Variants in TRIP12 observed in about 807,000 individuals in gnomAD.
The protein encoded by TRIP12 is thyroid hormone receptor interactor 12, also known as E3 ubiquitin-protein ligase TRIP12.
A neutral mutation model predicts 244.2 loss-of-function variants in TRIP12; 25 were observed. The observed-to-expected ratio is 0.10, with a 90% CI of 0.07 to 0.14. TRIP12 has a LOEUF of 0.14. Ranked by LOEUF, TRIP12 falls within the 10% of genes least tolerant of loss-of-function variation. TRIP12 has a pLI of 1.00. For synonymous variants in TRIP12, 905 were observed against 873.1 expected, an observed-to-expected ratio of 1.04 and a Z score of -0.64; for missense variants, 1,677 against 2,486.4, an observed-to-expected ratio of 0.67 and a Z score of 6.92.
intron 8 of TRIP12, among the ~76,000 whole-genome samples, chr2:229,823,818 C>T (rs546073323): frequency 1.3e-5 from 2 of 152,154 alleles, no homozygotes; most frequent in East Asian, 3.9e-4. Flanking sequence ...GAGATGGCAT[C>T]TCATTAATTC....
intron 1 of TRIP12, among the ~76,000 whole-genome samples, chr2:229,909,371 C>G (rs1285909959): frequency 6.7e-6 from 1 of 149,784 alleles, no homozygotes; most frequent in African/African-American, 2.5e-5. Context: ...CATAGGGACA[C>G]CCTGGCTCCA....
At chr2:229,783,811 A>G (rs1335062528) in intron 34 of TRIP12, among the ~76,000 whole-genome samples, 1 of 88,178 alleles carries the variant, frequency 1.1e-5, no homozygotes, top group African/African-American at 4.9e-5. Context: ...ACCATCTTTT[A>G]AAAAAAAAAA....
intron 9 of TRIP12, among the ~76,000 whole-genome samples, chr2:229,817,337 GA>G (rs756274503): frequency 6.6e-6 from 1 of 152,106 alleles, no homozygotes; most frequent in Non-Finnish European, 1.5e-5. Context: ...GGTAGTGTTT[GA>G]TTTAGACTCA....
intron 4 of TRIP12, among the ~76,000 whole-genome samples, chr2:229,844,849 G>GA (rs2057250472): frequency 6.6e-6 from 1 of 152,156 alleles, no homozygotes; most frequent in Non-Finnish European, 1.5e-5. Context: ...TTAATGTACA[G>GA]AAACCCTTTT....
At chr2:229,781,876 T>G (rs1470404790) in intron 34 of TRIP12, among the ~76,000 whole-genome samples, 1 of 152,188 alleles carries the variant, frequency 6.6e-6, no homozygotes, top group South Asian at 2.1e-4. Flanking sequence ...AAGCAGCTCC[T>G]GGAATCTTTT....
chr2:229,861,901 AC>A (rs1324329478), intron 2 of TRIP12, among the ~76,000 whole-genome samples: 1 of 152,240 alleles, frequency 6.6e-6, no homozygotes, highest in East Asian at 1.9e-4. Flanking sequence ...TAACAAAAAA[AC>A]AAAACTCTAG....
At chr2:229,917,380 CAAAAAAAAAAAAAAAAAAAAAAAAAAAAA>C (rs60397605) in intron 1 of TRIP12, among the ~76,000 whole-genome samples, 1 of 29,258 alleles carries the variant, frequency 3.4e-5, no homozygotes, top group East Asian at 1.7e-3. Context: ...GACTCTGTCT[CAAAAAAAAAAAAAAAAAAAAAAAAAAAAA>C]AAAAAAAAAA....
At chr2:229,894,713 T>G (rs752293491) in intron 1 of TRIP12, among the ~76,000 whole-genome samples, 1 of 152,200 alleles carries the variant, frequency 6.6e-6, no homozygotes, top group Non-Finnish European at 1.5e-5. Flanking sequence ...CCAAGAAACT[T>G]TAAGCCAAGG....
At chr2:229,799,179 A>C (rs1006014586) in intron 22 of TRIP12, 104 bp downstream of exon 22, 3 of 1,508,038 alleles carry the variant, frequency 2.0e-6, no homozygotes, top group Non-Finnish European at 1.8e-6. Context: ...TCCTCAGGAA[A>C]CTTAGGCATA....
intron 1 of TRIP12, among the ~76,000 whole-genome samples, chr2:229,914,410 T>C (rs957897121): frequency 2.0e-5 from 3 of 152,110 alleles, no homozygotes; most frequent in African/African-American, 7.2e-5. Context: ...TTTGCATATA[T>C]TTCCTATTTA....
chr2:229,767,617 C>T lies in TRIP12; in HGVS notation c.6141G>A (p.Glu2047=), dbSNP rs753443022. The change falls in exon 42 of 42, where the codon GAG becomes GAA. Residue 2047 remains glutamate, a synonymous_variant. Transcript: ENST00000675903. Reference sequence around the variant, plus strand: ...CTATCAACAGTTTTTCACGCATTATCTCAATGCTTGAATAGTCCGGCAACT... The same window carrying T: ...CTATCAACAGTTTTTCACGCATTATTTCAATGCTTGAATAGTCCGGCAACT... ...YLKLPDYSSI[E]IMREKLLIAA... 6.2e-7 allele frequency: 1 copy of T among 1,613,988 alleles called. No homozygotes were observed. Among genetic ancestry groups the T allele is most frequent in the Non-Finnish European group, 8.5e-7 (1 of 1,179,996 alleles).
chr2:229,815,050 T>G (rs533723421), intron 11 of TRIP12, 49 bp downstream of exon 11: 1 of 1,417,352 alleles, frequency 7.1e-7, no homozygotes, highest in Admixed American at 2.3e-5. Context: ...AGTTTGAAAC[T>G]TGACTCCCTA....
chr2:229,801,955 T>C (rs1347269904), intron 21 of TRIP12, among the ~76,000 whole-genome samples: 1 of 152,194 alleles, frequency 6.6e-6, no homozygotes, highest in Non-Finnish European at 1.5e-5. Flanking sequence ...AATCCCACAA[T>C]GTTAGAGCCT....
At chr2:229,895,977 C>T (rs2068709858) in intron 1 of TRIP12, among the ~76,000 whole-genome samples, 2 of 151,996 alleles carry the variant, frequency 1.3e-5, no homozygotes, top group African/African-American at 4.8e-5. Flanking sequence ...CAGAGTGAGA[C>T]ACCATCTCTA....
intron 1 of TRIP12, among the ~76,000 whole-genome samples, chr2:229,880,665 C>T (rs2064657010): frequency 1.3e-5 from 2 of 152,242 alleles, no homozygotes; most frequent in East Asian, 1.9e-4. Flanking sequence ...AAATCGTGGC[C>T]GGGTGGAGTG....
chr2:229,776,099 T>A (rs189268593), intron 37 of TRIP12, among the ~76,000 whole-genome samples: 22 of 152,282 alleles, frequency 1.4e-4, no homozygotes, highest in Admixed American at 6.5e-5. Flanking sequence ...CTGTGTTCTC[T>A]AGGTGTGTGA....
upstream of TRIP12, chr2:229,922,740 G>A (rs1238816498): frequency 4.4e-6 from 4 of 908,480 alleles, no homozygotes; most frequent in African/African-American, 1.7e-5. Context: ...CTCCGCGCCG[G>A]GAGATTTTCC....
intron 13 of TRIP12, among the ~76,000 whole-genome samples, chr2:229,811,770 A>G (rs1051521190): frequency 2.6e-5 from 4 of 152,174 alleles, no homozygotes; most frequent in Non-Finnish European, 4.4e-5. Flanking sequence ...TAAGTGTCAT[A>G]AAAAGAAGGG....
At chr2:229,774,374 T>A (rs949095769) in intron 37 of TRIP12, 113 bp from the exon 38 acceptor site, 8 of 1,081,390 alleles carry the variant, frequency 7.4e-6, no homozygotes, top group Non-Finnish European at 9.1e-6. Context: ...AGCTGATGGG[T>A]TCAACTCTTA....
Sources: gnomAD v4.1 joint callset for allele counts (sites outside exome capture counted in the v4.1 genomes callset) on GRCh38, gnomAD v4.1.1 for gene constraint, MANE v1.5 for transcripts, NCBI Gene and HGNC (gene_info 2026-07-23, HGNC 2026-07-21) for gene names.